Variants in GRIA4 observed in about 807,000 individuals in gnomAD.
GRIA4 encodes the protein glutamate ionotropic receptor AMPA type subunit 4.
GRIA4 carries 34 observed loss-of-function variants against 104.0 expected under a neutral mutation model. The observed-to-expected ratio is 0.33, with a 90% CI of 0.25 to 0.44. GRIA4 has a LOEUF of 0.44. GRIA4 is among the 20% of genes least tolerant of loss of function. The pLI is 1.00. For missense variants in GRIA4, 750 were observed against 1,096.5 expected (o/e 0.68, Z 4.46); for synonymous variants, 386 against 381.9 (o/e 1.01, Z -0.13).
In GRIA4 at chr11:105,670,353, C is replaced by T. The variant is rs576098422; in HGVS notation, c.247+57919C>T. Among the ~76,000 whole-genome samples the T allele has an allele frequency of 2.0e-5, 3 of 152,152 alleles. No homozygotes were observed. The East Asian group carries it at 5.8e-4, about 29-fold the overall frequency. On this transcript the variant is annotated intron_variant, in intron 3 of 16. Coordinates refer to ENST00000282499, the MANE Select transcript of GRIA4 (RefSeq NM_000829.4). ...TAGAACACTTTAAAGTCCAAAAGGT[C>T]TATTTTCTAATTTTGTTTCATTTTA...
chr11:105,876,531 A>C (rs1477315926), intron 5 of GRIA4, among the ~76,000 whole-genome samples: 2 of 152,120 alleles, frequency 1.3e-5, no homozygotes, highest in Non-Finnish European at 2.9e-5. Flanking sequence ...TTTTCCCACT[A>C]TTATTGTGTG....
At chr11:105,727,545 T>C (rs1316519054) in intron 3 of GRIA4, among the ~76,000 whole-genome samples, 1 of 152,026 alleles carries the variant, frequency 6.6e-6, no homozygotes, top group Non-Finnish European at 1.5e-5. Flanking sequence ...AAGATACTCC[T>C]TGAGAAGAGC....
chr11:105,971,271 A>G (rs1033784148), intron 14 of GRIA4, among the ~76,000 whole-genome samples: 8 of 152,196 alleles, frequency 5.3e-5, no homozygotes, highest in Non-Finnish European at 1.2e-4. Flanking sequence ...AAAGACTGCA[A>G]TTTAGAAGGA....
At chr11:105,756,842 T>C (rs1410686153) in intron 4 of GRIA4, among the ~76,000 whole-genome samples, 2 of 152,120 alleles carry the variant, frequency 1.3e-5, no homozygotes. Context: ...GTTACATTTA[T>C]AGCCAGACTG....
intron 3 of GRIA4, among the ~76,000 whole-genome samples, chr11:105,695,255 T>C (rs1414976750): frequency 1.3e-5 from 2 of 152,104 alleles, no homozygotes; most frequent in Non-Finnish European, 2.9e-5. Context: ...TCTATTTTGG[T>C]TTGTGTTTGA....
intron 3 of GRIA4, among the ~76,000 whole-genome samples, chr11:105,631,652 G>C (rs185581651): frequency 6.6e-6 from 1 of 152,152 alleles, no homozygotes; most frequent in East Asian, 1.9e-4. Flanking sequence ...TGTTCACTTG[G>C]CAACTGTCTT....
Position 105,617,367 on chromosome 11 carries a change from G to A in GRIA4, c.247+4933G>A, listed in dbSNP as rs536139836. Among the ~76,000 whole-genome samples the A allele has an allele frequency of 2.7e-4, 41 of 151,512 alleles. 2 individuals carry two copies. In the South Asian group the frequency reaches 6.0e-3, roughly 22 times the overall value. ...ATTATGTTCTAGATAAGACAGCTTCGGTACAAAGGAGTTACTTTACTTTCT... is the reference window on the plus strand; with the variant it reads ...ATTATGTTCTAGATAAGACAGCTTCAGTACAAAGGAGTTACTTTACTTTCT... On this transcript the variant is annotated intron_variant, in intron 3 of 16. Coordinates refer to ENST00000282499, the MANE Select transcript of GRIA4 (RefSeq NM_000829.4).
chr11:105,824,205 TCAAA>T lies in GRIA4; in HGVS notation c.488-37816_488-37813del, dbSNP rs144783449. On this transcript the variant is annotated intron_variant, in intron 4 of 16. Transcript: ENST00000282499. ...TACAGTAGGCATATAGTTTTAAAAGTCAAACAGTTCAGTTAGGCTTAAGAACATC... is the reference window on the plus strand; with the variant it reads ...TACAGTAGGCATATAGTTTTAAAAGTCAGTTCAGTTAGGCTTAAGAACATC... Among the ~76,000 whole-genome samples, 359 of 152,170 alleles carry T rather than the reference TCAAA, an allele frequency of 2.4e-3. 3 individuals are homozygous for T. The highest frequency in any genetic ancestry group is 8.2e-3 in the African/African-American group (339 of 41,538).
chr11:105,748,510 G>A (rs1186426973), intron 3 of GRIA4, among the ~76,000 whole-genome samples: 2 of 151,998 alleles, frequency 1.3e-5, no homozygotes, highest in Non-Finnish European at 2.9e-5. Context: ...AGCCTCCCGA[G>A]TAGCTGGGAT....
chr11:105,721,570 G>A (rs952107788), intron 3 of GRIA4, among the ~76,000 whole-genome samples: 1 of 152,144 alleles, frequency 6.6e-6, no homozygotes, highest in African/African-American at 2.4e-5. Flanking sequence ...TATATTAATA[G>A]TGCAAAGCAC....
rs191933363 is a variant in GRIA4, at chr11:105,915,380, C to A, written c.1270-3332C>A. On this transcript the variant is annotated intron_variant, in intron 10 of 16. Coordinates refer to ENST00000282499, the MANE Select transcript of GRIA4 (RefSeq NM_000829.4). ...AAAACAATGACCTGATGGACCCCTG[C>A]TGTCCAAAATAAAAAAGAAAGAAAA... Among the ~76,000 whole-genome samples, 607 of 152,190 alleles carry A rather than the reference C, an allele frequency of 4.0e-3. 5 individuals carry two copies. Among genetic ancestry groups the A allele is most frequent in the African/African-American group, 0.013 (560 of 41,516 alleles).
intron 4 of GRIA4, among the ~76,000 whole-genome samples, chr11:105,836,955 C>A (rs1944212490): frequency 6.6e-6 from 1 of 152,048 alleles, no homozygotes; most frequent in Non-Finnish European, 1.5e-5. Context: ...AAGAAATACC[C>A]AAGACTGAGT....
Position 105,741,410 on chromosome 11 carries a change from G to GT in GRIA4, c.248-11570dup, listed in dbSNP as rs1939297305. On this transcript the variant is annotated intron_variant, in intron 3 of 16. Transcript: ENST00000282499. Reference sequence around the variant, plus strand: ...TAACCATGGGAGCTTTGGAACATGAGTAATAGTTGAAGCTATAGAAATGGA... The same window carrying GT: ...TAACCATGGGAGCTTTGGAACATGAGTTAATAGTTGAAGCTATAGAAATGGA... Among the ~76,000 whole-genome samples, 3 of 152,282 alleles carry GT rather than the reference G, an allele frequency of 2.0e-5. No homozygotes were observed. The South Asian group carries it at 6.2e-4, about 32-fold the overall frequency.
intron 9 of GRIA4, among the ~76,000 whole-genome samples, chr11:105,909,222 A>C (rs1046696811): frequency 1.6e-4 from 25 of 152,138 alleles, no homozygotes; most frequent in African/African-American, 6.0e-4. Flanking sequence ...TGCTTACTCT[A>C]TTTAAATATG....
At chr11:105,684,023 C>T (rs1041538498) in intron 3 of GRIA4, among the ~76,000 whole-genome samples, 10 of 151,934 alleles carry the variant, frequency 6.6e-5, no homozygotes, top group Non-Finnish European at 1.3e-4. Context: ...TACAGGCATG[C>T]ACCACCACAC....
chr11:105,742,505 T>C (rs1204372463), intron 3 of GRIA4, among the ~76,000 whole-genome samples: 1 of 151,890 alleles, frequency 6.6e-6, no homozygotes, highest in Non-Finnish European at 1.5e-5. Flanking sequence ...TCCCTTAACT[T>C]GTAAACAAGC....
intron 3 of GRIA4, among the ~76,000 whole-genome samples, chr11:105,704,263 G>C (rs1953612502): frequency 6.6e-6 from 1 of 152,010 alleles, no homozygotes; most frequent in Non-Finnish European, 1.5e-5. Context: ...TTTTAAAAGG[G>C]TGTCCAATTT....
chr11:105,701,910 T>TTTGATAGTAGTAGATATTTGATCATAG (rs1953508206), intron 3 of GRIA4, among the ~76,000 whole-genome samples: 1 of 152,192 alleles, frequency 6.6e-6, no homozygotes, highest in Non-Finnish European at 1.5e-5. Flanking sequence ...CATAGTAATA[T>TTTGATAGTAGTAGATATTTGATCATAG]ACCAATATTT....
intron 3 of GRIA4, among the ~76,000 whole-genome samples, chr11:105,658,852 T>C (rs1951921364): frequency 6.6e-6 from 1 of 151,908 alleles, no homozygotes; most frequent in Admixed American, 6.6e-5. Context: ...AAAGGATAGG[T>C]AGGCGATTAG....
Sources: allele counts gnomAD v4.1 joint callset (sites outside exome capture counted in the v4.1 genomes callset), GRCh38; gene constraint gnomAD v4.1.1; transcripts MANE v1.5; gene names NCBI Gene and HGNC (gene_info 2026-07-23, HGNC 2026-07-21).